NF1: variants seen among roughly 807,000 people sequenced by gnomAD.
The protein encoded by NF1 is neurofibromin 1, also known as neurofibromin.
A neutral mutation model predicts 325.7 loss-of-function variants in NF1; 122 were observed. The observed-to-expected ratio is 0.37, with a 90% CI of 0.32 to 0.44. NF1 has a LOEUF of 0.44. Among genes scored for constraint, NF1 ranks in the 20% least tolerant of loss-of-function variants. NF1 has a pLI of 1.00. For synonymous variants in NF1, 1,091 were observed against 1,186.0 expected (o/e 0.92, Z 1.65); for missense variants, 2,140 against 3,415.4 (o/e 0.63, Z 9.31).
At chr17:31,352,463 G>A (rs2151577594) in intron 51 of NF1, 49 bp downstream of exon 51, 1 of 1,439,010 alleles carries the variant, frequency 6.9e-7, no homozygotes, top group Non-Finnish European at 9.3e-7. Context: ...TAAAAAAATA[G>A]ATATTTTTAC....
chr17:31,225,287 G>A (rs748498338), intron 17 of NF1, 37 bp downstream of exon 17: 3 of 1,607,820 alleles, frequency 1.9e-6, no homozygotes, highest in East Asian at 2.2e-5. Flanking sequence ...ATCATTTTAT[G>A]TGCTCTGTTT....
At chr17:31,306,399 T>G (rs761733927) in intron 36 of NF1, among the ~76,000 whole-genome samples, 1 of 152,078 alleles carries the variant, frequency 6.6e-6, no homozygotes, top group Non-Finnish European at 1.5e-5. Context: ...TTTATATATA[T>G]AGATAGATAG....
At chr17:31,304,603 G>A in intron 36 of NF1, 2 of 1,614,124 alleles carry the variant, frequency 1.2e-6, no homozygotes, top group Non-Finnish European at 1.7e-6. Context: ...AGGCAGATCT[G>A]CATCATCTGA....
At chr17:31,178,695 A>T (rs951415605) in intron 5 of NF1, among the ~76,000 whole-genome samples, 1 of 152,214 alleles carries the variant, frequency 6.6e-6, no homozygotes, top group African/African-American at 2.4e-5. Context: ...AAAGCAAAAA[A>T]AAGTAGGGTT....
At chr17:31,191,475 CAT>C (rs752981705) in intron 8 of NF1, among the ~76,000 whole-genome samples, 3 of 152,260 alleles carry the variant, frequency 2.0e-5, no homozygotes, top group Non-Finnish European at 1.5e-5. Flanking sequence ...GACTCGGCAA[CAT>C]GTGTAAATCT....
intron 9 of NF1, 77 bp downstream of exon 9, chr17:31,200,672 G>A (rs1352360226): frequency 6.7e-7 from 1 of 1,495,308 alleles, no homozygotes; most frequent in African/African-American, 1.4e-5. Flanking sequence ...TTATGTCAAA[G>A]ATAATTGCTA....
At position 31,097,444 on chromosome 17, in the gene NF1, C is replaced by T. The variant is rs181824579; in HGVS notation, c.60+2075C>T. Among the ~76,000 whole-genome samples, 435 of 123,826 alleles carry T rather than the reference C, an allele frequency of 3.5e-3. 7 individuals are homozygous for T. The highest frequency in any genetic ancestry group is 0.012 in the African/African-American group (406 of 32,924). The allele number at this position is 123,826 out of a possible 152,430, so 81.2% of individuals were successfully genotyped here. On this transcript the variant is annotated intron_variant, in intron 1 of 57. Coordinates refer to ENST00000358273, the MANE Select transcript of NF1 (RefSeq NM_001042492.3). ...CTGCACTCTAGCCTGGGCGACAGAG[C>T]GAGACTCTTGTCTCCAAAAAAAAAA...
chr17:31,268,877 TA>T (rs1003109967), intron 36 of NF1, among the ~76,000 whole-genome samples: 4 of 151,932 alleles, frequency 2.6e-5, no homozygotes, highest in East Asian at 3.9e-4. Flanking sequence ...TTATTATTAT[TA>T]TTTTTTTTGT....
At position 31,096,624 on chromosome 17, in the gene NF1, CATT is replaced by C. The variant is rs1567787695; in HGVS notation, c.60+1258_60+1260del. Among the ~76,000 whole-genome samples the C allele has an allele frequency of 2.6e-5, 4 of 151,904 alleles. No homozygotes were observed. In the South Asian group the frequency reaches 6.2e-4, roughly 24 times the overall value. On this transcript the variant is annotated intron_variant, in intron 1 of 57. Coordinates refer to ENST00000358273, the MANE Select transcript of NF1 (RefSeq NM_001042492.3). Reference sequence around the variant, plus strand: ...TTGTTTACTGGATATAATGGTAAAACATTATGGGAGCTGAAGGGGTGGGGGAAG... The same window carrying C: ...TTGTTTACTGGATATAATGGTAAAACATGGGAGCTGAAGGGGTGGGGGAAG...
chr17:31,193,272 T>G (rs1335130303), intron 8 of NF1, among the ~76,000 whole-genome samples: 2 of 152,236 alleles, frequency 1.3e-5, no homozygotes, highest in Non-Finnish European at 2.9e-5. Flanking sequence ...CATTGAAGTT[T>G]GAGAACCATT....
At chr17:31,254,927 A>C (rs181851751) in intron 31 of NF1, among the ~76,000 whole-genome samples, 88 of 152,286 alleles carry the variant, frequency 5.8e-4, no homozygotes, top group Non-Finnish European at 7.8e-4. Flanking sequence ...ATGTTGTTTT[A>C]TGGAGTTGTG....
chr17:31,162,942 G>A (rs1290871253), intron 3 of NF1, among the ~76,000 whole-genome samples: 2 of 152,178 alleles, frequency 1.3e-5, no homozygotes, highest in Non-Finnish European at 2.9e-5. Flanking sequence ...GGACTGGTAA[G>A]GATGGCAGGG....
In NF1 at chr17:31,201,440, A is replaced by G. The variant is rs1405569320; in HGVS notation, c.1215A>G (p.Thr405=). ...KICLAQNSPS[T]FHYVLVNSLH... is the part of the protein sequence containing the mutation. ...GCCTGGCTCAGAATTCACCTTCTACATTTCACTATGTGCTGGTAAATTCAC... is the reference window on the plus strand; with the variant it reads ...GCCTGGCTCAGAATTCACCTTCTACGTTTCACTATGTGCTGGTAAATTCAC... The change falls in exon 11 of 58, where the codon ACA becomes ACG. Residue 405 remains threonine, a synonymous_variant. Transcript: ENST00000358273. The G allele has an allele frequency of 6.2e-7, 1 of 1,612,034 alleles. No homozygotes were observed. Among genetic ancestry groups the G allele is most frequent in the Admixed American group, 1.7e-5 (1 of 59,854 alleles).
intron 36 of NF1, chr17:31,320,343 T>TTA (rs398041633): frequency 0.035 from 39,870 of 1,131,030 alleles, 175 homozygotes; most frequent in Non-Finnish European, 0.039. Flanking sequence ...TCCTTTTATT[T>TTA]AAAAAAAAAA....
At chr17:31,361,491 G>A (rs1196120100) in intron 57 of NF1, 2 of 152,152 alleles carry the variant, frequency 1.3e-5, no homozygotes, top group African/African-American at 4.8e-5. Flanking sequence ...ATGACAGTGA[G>A]TAATGAAGGA....
At chr17:31,291,181 G>A (rs974782784) in intron 36 of NF1, among the ~76,000 whole-genome samples, 3 of 152,096 alleles carry the variant, frequency 2.0e-5, no homozygotes, top group African/African-American at 7.2e-5. Context: ...TAATTGCAAC[G>A]TAATAGTATC....
intron 1 of NF1, among the ~76,000 whole-genome samples, chr17:31,107,531 C>G (rs560575190): frequency 6.6e-6 from 1 of 152,096 alleles, no homozygotes; most frequent in East Asian, 1.9e-4. Flanking sequence ...TCCCAGAGTG[C>G]TGGGATTACA....
At chr17:31,227,419 A>G in intron 19 of NF1, 104 bp from the exon 20 acceptor site, 1 of 1,404,406 alleles carries the variant, frequency 7.1e-7, no homozygotes. Flanking sequence ...TACAAGTATA[A>G]TATCTGAGTA....
chr17:31,345,406 C>T (rs2069946421), intron 48 of NF1: 2 of 1,238,212 alleles, frequency 1.6e-6, no homozygotes, highest in Non-Finnish European at 2.2e-6. Flanking sequence ...CGGCGAGTCC[C>T]AGTGAGAGCG....
Sources: gnomAD v4.1 joint callset for allele counts (sites outside exome capture counted in the v4.1 genomes callset) on GRCh38, gnomAD v4.1.1 for gene constraint, MANE v1.5 for transcripts, NCBI Gene and HGNC (gene_info 2026-07-23, HGNC 2026-07-21) for gene names.